Variants in BCL11A observed in about 807,000 individuals in gnomAD.
The protein encoded by BCL11A is BCL11 transcription factor A.
Under a neutral mutation model 55.9 loss-of-function variants are expected in BCL11A, and 2 were observed. The observed-to-expected ratio is 0.04, with a 90% CI of 0.01 to 0.11. The LOEUF (loss-of-function observed/expected upper bound fraction) is 0.11. Among genes scored for constraint, BCL11A ranks in the 10% least tolerant of loss-of-function variants. BCL11A has a pLI of 1.00. For missense variants in BCL11A, 817 were observed against 1,137.1 expected (o/e 0.72, Z 4.05); for synonymous variants, 465 against 473.4 (o/e 0.98, Z 0.23).
At chr2:60,519,609 C>A (rs1394499906) in intron 2 of BCL11A, among the ~76,000 whole-genome samples, 1 of 148,866 alleles carries the variant, frequency 6.7e-6, no homozygotes, top group Non-Finnish European at 1.5e-5. Context: ...AGAAATCGCT[C>A]CTGAAATCTG....
At chr2:60,485,306 GT>G (rs1303496575) in intron 2 of BCL11A, among the ~76,000 whole-genome samples, 1 of 152,214 alleles carries the variant, frequency 6.6e-6, no homozygotes, top group Non-Finnish European at 1.5e-5. Context: ...ACCAGGTAGG[GT>G]GGAGCAAGGC....
chr2:60,492,726 AC>A (rs1678712041), intron 2 of BCL11A, among the ~76,000 whole-genome samples: 2 of 152,192 alleles, frequency 1.3e-5, no homozygotes, highest in Non-Finnish European at 2.9e-5. Flanking sequence ...ACCCTGAAAG[AC>A]GGCTAGAGTC....
chr2:60,459,830 T>C lies in BCL11A; in HGVS notation c.*574A>G. ...ATAGAGATTTTTTTTCAGTGCTATC[T>C]ATTCTGTCTATAGAGGGTTAATCCA... On this transcript the variant is annotated 3_prime_UTR_variant, in exon 4 of 4. Coordinates refer to ENST00000642384, the MANE Select transcript of BCL11A (RefSeq NM_022893.4). 9.6e-7 allele frequency: 1 copy of C among 1,043,892 alleles called. No individual in the cohort carries two copies. The highest frequency in any genetic ancestry group is 1.2e-6 in the Non-Finnish European group (1 of 865,628). The allele number at this position is 1,043,892 out of a possible 1,614,324, so 64.7% of individuals were successfully genotyped here.
intron 3 of BCL11A, among the ~76,000 whole-genome samples, chr2:60,465,945 C>T (rs1006741672): frequency 6.6e-6 from 1 of 152,178 alleles, no homozygotes; most frequent in African/African-American, 2.4e-5. Flanking sequence ...GGGTGACTGG[C>T]ACACAGCAGA....
In BCL11A at chr2:60,459,451, G is replaced by A. The variant is rs1676111002; in HGVS notation, c.*953C>T. 2 of 1,021,620 alleles carry A rather than the reference G, an allele frequency of 2.0e-6. No homozygotes were observed. Among genetic ancestry groups the A allele is most frequent in the Non-Finnish European group, 1.2e-6 (1 of 851,216 alleles). 63.3% of individuals were successfully genotyped at this position (1,021,620 alleles called of 1,614,324 possible). On this transcript the variant is annotated 3_prime_UTR_variant, in exon 4 of 4. Transcript: ENST00000642384. ...TTAAGCTCTCACCAGGAGCAAAGTA[G>A]CTTTTATACTGGTATAATCAGTTTT...
intron 2 of BCL11A, chr2:60,542,242 A>C (rs1048599332): frequency 2.0e-5 from 4 of 195,560 alleles, no homozygotes; most frequent in Non-Finnish European, 4.1e-5. Context: ...CTAGTCTCTC[A>C]AAAAGCTAAC....
intron 2 of BCL11A, among the ~76,000 whole-genome samples, chr2:60,521,103 A>T (rs2420138): frequency 0.012 from 396 of 33,182 alleles, 4 homozygotes; most frequent in African/African-American, 0.023. Context: ...ACACACACTC[A>T]CACACACACA....
In BCL11A at chr2:60,501,571, GTGA is replaced by G. The variant is rs1441286004; in HGVS notation, c.386-32741_386-32739del. 2.0e-5 allele frequency among the ~76,000 whole-genome samples: 3 copies of G among 146,794 alleles called. No homozygotes were observed. In the East Asian group the frequency reaches 6.0e-4, roughly 29 times the overall value. On this transcript the variant is annotated intron_variant, in intron 2 of 3. Coordinates refer to ENST00000642384, the MANE Select transcript of BCL11A (RefSeq NM_022893.4). Reference sequence around the variant, plus strand: ...GTTGCCCAGGCTGGGGTGCAATGGTGTGATCTCGGCTCACCACCTCTGCCTCCT... The same window carrying G: ...GTTGCCCAGGCTGGGGTGCAATGGTGTCTCGGCTCACCACCTCTGCCTCCT...
At chr2:60,465,377 C>T (rs1366036121) in intron 3 of BCL11A, among the ~76,000 whole-genome samples, 1 of 152,162 alleles carries the variant, frequency 6.6e-6, no homozygotes, top group Non-Finnish European at 1.5e-5. Flanking sequence ...ATTTGAGAGC[C>T]TCATTGGGCA....
exon 5 of BCL11A, chr2:60,451,602 A>T (rs1053144237): frequency 4.3e-6 from 1 of 231,424 alleles, no homozygotes; most frequent in Non-Finnish European, 8.5e-6. Flanking sequence ...TGATGTAAGT[A>T]CTAAAGAAGT....
At position 60,471,835 on chromosome 2, in the gene BCL11A, C is replaced by T. The variant is rs555953148; in HGVS notation, c.386-3002G>A. Among the ~76,000 whole-genome samples the T allele has an allele frequency of 1.6e-4, 24 of 152,312 alleles. 1 individual carries two copies. In the South Asian group the frequency reaches 5.0e-3, roughly 32 times the overall value. ...ATCACCTGGGAGTTTGTTCAAAATGCAAATTCTTGGGCACCACCTCAGACT... is the reference window on the plus strand; with the variant it reads ...ATCACCTGGGAGTTTGTTCAAAATGTAAATTCTTGGGCACCACCTCAGACT... On this transcript the variant is annotated intron_variant, in intron 2 of 3. Transcript: ENST00000642384.
intron 2 of BCL11A, among the ~76,000 whole-genome samples, chr2:60,502,341 C>T (rs1366579230): frequency 6.6e-6 from 1 of 152,210 alleles, no homozygotes; most frequent in East Asian, 1.9e-4. Flanking sequence ...TCCTGGCTCT[C>T]CTCTACATTC....
Position 60,458,033 on chromosome 2 carries a change from CTT to C in BCL11A, c.*2369_*2370del. ...AAAAAAATATACTGTGGCAGCCTGT[CTT>C]TTTTTTTTCCACTACCAAAAAAGGT... On this transcript the variant is annotated 3_prime_UTR_variant, in exon 4 of 4. Transcript: ENST00000642384. 6.2e-6 allele frequency: 6 copies of C among 967,392 alleles called. No homozygotes were observed. Among genetic ancestry groups the C allele is most frequent in the East Asian group, 6.7e-5 (1 of 14,954 alleles). 59.9% of individuals were successfully genotyped at this position (967,392 alleles called of 1,614,324 possible). A position where few individuals can be genotyped will look rare whatever the true frequency, so the allele number is the denominator to read the frequency against.
At chr2:60,502,352 T>C (rs545280721) in intron 2 of BCL11A, among the ~76,000 whole-genome samples, 139 of 152,194 alleles carry the variant, frequency 9.1e-4, no homozygotes, top group Non-Finnish European at 1.7e-3. Context: ...CTCTACATTC[T>C]GTGAGCAAAC....
intron 2 of BCL11A, among the ~76,000 whole-genome samples, chr2:60,470,519 C>A (rs4672393): frequency 0.29 from 43,342 of 152,072 alleles, 7,466 homozygotes; most frequent in East Asian, 0.77. Context: ...CCAGCATAAA[C>A]GCAACAGGTA....
At position 60,460,792 on chromosome 2, in the gene BCL11A, T is replaced by C; in HGVS notation, c.2120A>G (p.Asp707Gly). ...LRFSTPPGEL[D>G]GGISGRSGTG... ...GCCGCTGCGCCCCGAGATCCCTCCG[T>C]CCAGCTCCCCGGGCGGTGTGGAGAA... Residue 707 changes from aspartate to glycine, a missense_variant, in exon 4 of 4, where the codon GAC becomes GGC. Asp to Gly is a moderately conservative substitution (Grantham distance 94). Around this residue, in one of 4 missense-constraint regions of BCL11A, gnomAD observed 379 missense variants for 425.3 expected, o/e 0.89. Transcript: ENST00000642384. The C allele has an allele frequency of 6.2e-7, 1 of 1,613,126 alleles. No individual in the cohort carries two copies. The highest frequency in any genetic ancestry group is 1.1e-5 in the South Asian group (1 of 91,082).
chr2:60,467,842 G>A lies in BCL11A; in HGVS notation c.487+890C>T, dbSNP rs1459535226. 1.1e-4 allele frequency among the ~76,000 whole-genome samples: 12 copies of A among 112,920 alleles called. No individual in the cohort carries two copies. In the South Asian group the frequency reaches 2.0e-3, roughly 19 times the overall value. 74.1% of individuals were successfully genotyped at this position (112,920 alleles called of 152,430 possible). On this transcript the variant is annotated intron_variant, in intron 3 of 3. Coordinates refer to ENST00000642384, the MANE Select transcript of BCL11A (RefSeq NM_022893.4). ...TGGTGATGGTGATGGTGGTGGTGGT[G>A]GTGATGCTACTGGTGGTGATGGTAC...
chr2:60,495,268 T>G (rs912402635), intron 2 of BCL11A, among the ~76,000 whole-genome samples: 3 of 152,176 alleles, frequency 2.0e-5, no homozygotes, highest in African/African-American at 7.2e-5. Flanking sequence ...GAGCCTGTGA[T>G]AAAAGCAACT....
downstream of BCL11A, among the ~76,000 whole-genome samples, chr2:60,456,180 C>CA (rs1675925208): frequency 6.6e-6 from 1 of 152,040 alleles, no homozygotes; most frequent in African/African-American, 2.4e-5. Flanking sequence ...AACTGAGCGA[C>CA]AAAAAATGCT....
Sources: allele counts gnomAD v4.1 joint callset (sites outside exome capture counted in the v4.1 genomes callset), GRCh38; gene constraint gnomAD v4.1.1; regional missense constraint gnomAD v4.1.1; transcripts MANE v1.5; gene names NCBI Gene and HGNC (gene_info 2026-07-23, HGNC 2026-07-21).